R3HCC1L: variants seen among roughly 807,000 people sequenced by gnomAD.
R3HCC1L encodes R3H domain and coiled-coil containing 1 like, also known as coiled-coil domain-containing protein R3HCC1L.
Under a neutral mutation model 59.9 loss-of-function variants are expected in R3HCC1L, and 51 were observed. That is an observed-to-expected ratio of 0.85 (90% CI 0.68 to 1.07). The LOEUF (loss-of-function observed/expected upper bound fraction) is 1.07, where lower values mean the gene tolerates loss of function less well. Ranked by LOEUF, R3HCC1L falls within the 50% of genes least tolerant of loss-of-function variation. R3HCC1L has a pLI of 0.00. For synonymous variants in R3HCC1L, 322 were observed against 315.2 expected (o/e 1.02, Z -0.23); for missense variants, 965 against 933.0 (o/e 1.03, Z -0.45).
At chr10:98,181,530 G>A (rs781484186) in intron 4 of R3HCC1L, among the ~76,000 whole-genome samples, 30 of 151,934 alleles carry the variant, frequency 2.0e-4, no homozygotes, top group African/African-American at 3.1e-4. Context: ...TCTTTGTGGC[G>A]GTCTCTGTAT....
chr10:98,224,648 T>A (rs1855466062), intron 5 of R3HCC1L, among the ~76,000 whole-genome samples: 1 of 152,242 alleles, frequency 6.6e-6, no homozygotes, highest in Non-Finnish European at 1.5e-5. Flanking sequence ...AGACCACTAT[T>A]TAAGATCCTA....
chr10:98,212,265 T>C (rs971614693), intron 5 of R3HCC1L, among the ~76,000 whole-genome samples: 52 of 152,176 alleles, frequency 3.4e-4, no homozygotes, highest in Admixed American at 1.2e-3. Context: ...CATACTTTAT[T>C]AAGTGCTAAA....
At chr10:98,136,024 T>C (rs1366296115) in intron 1 of R3HCC1L, among the ~76,000 whole-genome samples, 1 of 152,012 alleles carries the variant, frequency 6.6e-6, no homozygotes, top group East Asian at 1.9e-4. Context: ...TCAGTTTTTT[T>C]TTTTTTTTTG....
chr10:98,231,110 A>G, intron 5 of R3HCC1L: 1 of 375,650 alleles, frequency 2.7e-6, no homozygotes, highest in Middle Eastern at 8.3e-4. Context: ...CAGAAAAGAA[A>G]CTATGAGCCT....
Position 98,207,972 on chromosome 10 carries a change from C to G in R3HCC1L, c.-14-129C>G, listed in dbSNP as rs1852902880. 3.4e-5 allele frequency: 29 copies of G among 846,300 alleles called. No homozygotes were observed. The South Asian group carries it at 5.8e-4, about 17-fold the overall frequency. The allele number at this position is 846,300 out of a possible 1,614,324, so 52.4% of individuals were successfully genotyped here. A position where few individuals can be genotyped will look rare whatever the true frequency, so the allele number is the denominator to read the frequency against. On this transcript the variant is annotated intron_variant, in intron 4 of 9. Transcript: ENST00000298999. ...CTGGAAGGGCAGAGGTTACAGTGAG[C>G]TGAGATCGCTCCACTGTACTCTAGC...
intron 4 of R3HCC1L, among the ~76,000 whole-genome samples, chr10:98,181,414 T>C (rs1849609341): frequency 6.6e-6 from 1 of 152,256 alleles, no homozygotes; most frequent in Non-Finnish European, 1.5e-5. Context: ...CTTCCCTTTG[T>C]GGGTAATCCG....
intron 4 of R3HCC1L, among the ~76,000 whole-genome samples, chr10:98,195,416 T>C (rs1322166643): frequency 6.6e-6 from 1 of 151,824 alleles, no homozygotes; most frequent in East Asian, 1.9e-4. Context: ...GCTATACACT[T>C]GAGAATTGTG....
intron 5 of R3HCC1L, among the ~76,000 whole-genome samples, chr10:98,228,328 G>C (rs567341849): frequency 6.6e-6 from 1 of 152,214 alleles, no homozygotes; most frequent in Admixed American, 6.5e-5. Flanking sequence ...TTTCTCTGAT[G>C]ACCAGTGATG....
chr10:98,219,473 C>T (rs1002619196), intron 5 of R3HCC1L, among the ~76,000 whole-genome samples: 7 of 152,106 alleles, frequency 4.6e-5, no homozygotes, highest in Non-Finnish European at 8.8e-5. Flanking sequence ...GGACTTATTC[C>T]TGTCATTTTA....
chr10:98,134,850 C>T (rs1164777834), intron 1 of R3HCC1L, 144 bp downstream of exon 1: 1 of 152,266 alleles, frequency 6.6e-6, no homozygotes, highest in Non-Finnish European at 1.5e-5. Flanking sequence ...CGAGGGGCCG[C>T]CCCCTGCCTG....
Position 98,175,072 on chromosome 10 carries a change from C to T in R3HCC1L, c.-15+11675C>T, listed in dbSNP as rs564687460. Among the ~76,000 whole-genome samples the T allele has an allele frequency of 4.0e-4, 61 of 152,132 alleles. 1 individual carries two copies. Among genetic ancestry groups the T allele is most frequent in the South Asian group, 1.9e-3 (9 of 4,824 alleles). On this transcript the variant is annotated intron_variant, in intron 4 of 9. Coordinates refer to ENST00000298999, the MANE Select transcript of R3HCC1L (RefSeq NM_001351015.2). ...AGGAGACCAAGTTTCTCATCGTTAA[C>T]GCGTGCAAAGTTGAGTAAGTCAATG...
At chr10:98,141,052 T>C (rs1845087920) in intron 1 of R3HCC1L, among the ~76,000 whole-genome samples, 1 of 152,184 alleles carries the variant, frequency 6.6e-6, no homozygotes, top group Non-Finnish European at 1.5e-5. Context: ...TCTAGGCATT[T>C]ACTAAAGCCC....
chr10:98,156,945 A>C (rs1225252092), intron 2 of R3HCC1L, among the ~76,000 whole-genome samples: 2 of 152,246 alleles, frequency 1.3e-5, no homozygotes, highest in Non-Finnish European at 2.9e-5. Flanking sequence ...GAAACCGTAC[A>C]TGGTAGATAA....
chr10:98,221,603 C>T (rs1343426014), intron 5 of R3HCC1L, among the ~76,000 whole-genome samples: 10 of 151,382 alleles, frequency 6.6e-5, no homozygotes, highest in Non-Finnish European at 1.5e-4. Context: ...ATATGGCTAG[C>T]CAGTTTTCCC....
intron 8 of R3HCC1L, 92 bp downstream of exon 8, chr10:98,235,612 A>G: frequency 1.1e-6 from 1 of 918,066 alleles, no homozygotes. Flanking sequence ...CTAAAGACAT[A>G]TCACTTTTAT....
At position 98,235,481 on chromosome 10, in the gene R3HCC1L, G is replaced by A; in HGVS notation, c.2089G>A (p.Ala697Thr). The change falls in exon 8 of 10, where the codon GCC (alanine) becomes ACC (threonine). Residue 697 changes from alanine to threonine, a missense_variant. Ala to Thr is a moderately conservative substitution (Grantham distance 58, BLOSUM62 0). Coordinates refer to ENST00000298999, the MANE Select transcript of R3HCC1L (RefSeq NM_001351015.2). ...GGTGAAGATTCGTCCCTTGTCACAG[G>A]CCACAAGAGCAGCCAAGGCCAAAGC... ...TMVKIRPLSQ[A>T]TRAAKAKARA... 2 of 1,613,686 alleles carry A rather than the reference G, an allele frequency of 1.2e-6. No individual in the cohort carries two copies. Among genetic ancestry groups the A allele is most frequent in the Non-Finnish European group, 1.7e-6 (2 of 1,179,790 alleles).
chr10:98,146,288 AAG>A (rs1845648373), intron 1 of R3HCC1L, among the ~76,000 whole-genome samples: 1 of 152,190 alleles, frequency 6.6e-6, no homozygotes, highest in South Asian at 2.1e-4. Context: ...AAGATCTAAT[AAG>A]AGTAAGTAGG....
At chr10:98,238,740 C>T (rs772813303) in intron 9 of R3HCC1L, among the ~76,000 whole-genome samples, 7 of 151,920 alleles carry the variant, frequency 4.6e-5, no homozygotes, top group Non-Finnish European at 1.0e-4. Flanking sequence ...ACATTTTCTC[C>T]CAGAAAAAAA....
chr10:98,148,600 T>G (rs976253886), intron 1 of R3HCC1L, among the ~76,000 whole-genome samples: 1 of 152,204 alleles, frequency 6.6e-6, no homozygotes, highest in African/African-American at 2.4e-5. Flanking sequence ...AAAGGGATAT[T>G]AGATTTTATT....
Sources: allele counts gnomAD v4.1 joint callset (sites outside exome capture counted in the v4.1 genomes callset), GRCh38; gene constraint gnomAD v4.1.1; transcripts MANE v1.5; gene names NCBI Gene and HGNC (gene_info 2026-07-23, HGNC 2026-07-21).